The following ERC2 variants were observed in gnomAD, a reference collection of about 807,000 sequenced individuals.
ERC2 encodes ERC protein 2.
In ERC2, 42 loss-of-function variants were observed where a neutral mutation model predicts 114.8. The ratio of observed to expected loss-of-function variants is 0.37; its 90% CI spans 0.29 to 0.47. ERC2 has a LOEUF of 0.47. ERC2 is among the 20% of genes least tolerant of loss of function. The pLI is 0.99. For synonymous variants in ERC2, 454 were observed against 425.5 expected (o/e 1.07, Z -0.82); for missense variants, 939 against 1,150.7 (o/e 0.82, Z 2.66).
chr3:56,056,543 T>C (rs2076021681), intron 7 of ERC2, among the ~76,000 whole-genome samples: 1 of 152,162 alleles, frequency 6.6e-6, no homozygotes, highest in Non-Finnish European at 1.5e-5. Context: ...AATATGTATG[T>C]ATTATGTATC....
intron 2 of ERC2, among the ~76,000 whole-genome samples, chr3:56,370,013 G>A (rs139660087): frequency 1.1e-4 from 16 of 152,210 alleles, no homozygotes; most frequent in East Asian, 5.8e-4. Flanking sequence ...GCCTAATCCC[G>A]CTTGCCTCAG....
chr3:56,226,968 C>T (rs2050286944), intron 3 of ERC2, among the ~76,000 whole-genome samples: 1 of 152,190 alleles, frequency 6.6e-6, no homozygotes, highest in Admixed American at 6.5e-5. Context: ...AAACACACTT[C>T]TCTTTAAACT....
At chr3:56,117,292 G>C (rs2079292318) in intron 6 of ERC2, among the ~76,000 whole-genome samples, 1 of 152,134 alleles carries the variant, frequency 6.6e-6, no homozygotes, top group South Asian at 2.1e-4. Flanking sequence ...ATTATGAATT[G>C]CAATTGTTCC....
intron 14 of ERC2, among the ~76,000 whole-genome samples, chr3:55,883,889 A>AAACAACAACAAC (rs57990581): frequency 2.3e-5 from 3 of 131,938 alleles, no homozygotes; most frequent in Admixed American, 7.3e-5. Context: ...CTCCGTCTCA[A>AAACAACAACAAC]AACAACAACA....
chr3:56,121,346 C>A (rs2149857891), intron 6 of ERC2, among the ~76,000 whole-genome samples: 1 of 152,166 alleles, frequency 6.6e-6, no homozygotes, highest in African/African-American at 2.4e-5. Flanking sequence ...AAAGTATTAG[C>A]AAAATGTATA....
intron 7 of ERC2, among the ~76,000 whole-genome samples, chr3:56,026,566 T>A (rs1024061603): frequency 2.6e-5 from 4 of 152,212 alleles, no homozygotes; most frequent in Admixed American, 2.6e-4. Flanking sequence ...ATGGCCATTA[T>A]CTATTAAGTG....
chr3:55,657,554 C>G (rs1162846041), intron 17 of ERC2: 1 of 152,166 alleles, frequency 6.6e-6, no homozygotes, highest in Admixed American at 6.5e-5. Flanking sequence ...TTCCTGGGCT[C>G]AGGTAATTCT....
At chr3:56,257,432 G>A (rs535480936) in intron 3 of ERC2, among the ~76,000 whole-genome samples, 8 of 152,164 alleles carry the variant, frequency 5.3e-5, no homozygotes, top group African/African-American at 1.2e-4. Context: ...TTTAACTTAC[G>A]TCAAACCAAA....
intron 14 of ERC2, among the ~76,000 whole-genome samples, chr3:55,755,596 T>C (rs2066999544): frequency 6.6e-6 from 1 of 152,200 alleles, no homozygotes; most frequent in Non-Finnish European, 1.5e-5. Flanking sequence ...TGTCACTACT[T>C]TTTATACTTC....
At chr3:56,027,263 G>A (rs1272728214) in intron 7 of ERC2, among the ~76,000 whole-genome samples, 1 of 152,180 alleles carries the variant, frequency 6.6e-6, no homozygotes, top group Non-Finnish European at 1.5e-5. Flanking sequence ...ACAAATAAAC[G>A]ACTATGAACA....
At chr3:55,526,793 G>A (rs1033893472) in intron 17 of ERC2, among the ~76,000 whole-genome samples, 3 of 152,206 alleles carry the variant, frequency 2.0e-5, no homozygotes, top group African/African-American at 4.8e-5. Context: ...GTGCACAATC[G>A]CTGTGCTTGT....
intron 4 of ERC2, among the ~76,000 whole-genome samples, chr3:56,153,972 T>C (rs546203606): frequency 2.0e-5 from 3 of 152,338 alleles, no homozygotes; most frequent in African/African-American, 7.2e-5. Flanking sequence ...TGTGATCTAA[T>C]GTTCAGGAAA....
intron 6 of ERC2, among the ~76,000 whole-genome samples, chr3:56,109,566 CACGA>C (rs1182276984): frequency 1.3e-5 from 2 of 152,032 alleles, no homozygotes; most frequent in African/African-American, 4.8e-5. Flanking sequence ...AAACTGGTTA[CACGA>C]ATTATAGTCC....
chr3:55,656,166 G>A (rs1056583899), intron 17 of ERC2, among the ~76,000 whole-genome samples: 11 of 151,820 alleles, frequency 7.2e-5, no homozygotes, highest in African/African-American at 2.7e-4. Flanking sequence ...AGAAGAAAAA[G>A]TCTCACTCTG....
Position 55,846,669 on chromosome 3 carries a change from TTCTC to T in ERC2, c.2564+41716_2564+41719del, listed in dbSNP as rs776618827. On this transcript the variant is annotated intron_variant, in intron 14 of 17. Coordinates refer to ENST00000288221, the MANE Select transcript of ERC2 (RefSeq NM_015576.3). ...ATAAGTGTTATTTCATCCTTATTCA[TTCTC>T]TCTCTCTCTCTCTCTCTCTTTCTCT... is the stretch of plus-strand genomic sequence containing the variant. Among the ~76,000 whole-genome samples, 739 of 128,996 alleles carry T rather than the reference TTCTC, an allele frequency of 5.7e-3. 7 individuals are homozygous for T. The highest frequency in any genetic ancestry group is 0.021 in the African/African-American group (671 of 31,252). 84.6% of individuals were successfully genotyped at this position (128,996 alleles called of 152,430 possible).
At chr3:55,553,350 C>T (rs1447854383) in intron 17 of ERC2, among the ~76,000 whole-genome samples, 1 of 151,798 alleles carries the variant, frequency 6.6e-6, no homozygotes, top group African/African-American at 2.4e-5. Context: ...ATGATGATAA[C>T]AATAGCAAGT....
rs1438267684 is a variant in ERC2 at position 55,759,619 on chromosome 3, G to GT, written c.2565-24702dup. 4.0e-5 allele frequency among the ~76,000 whole-genome samples: 6 copies of GT among 151,036 alleles called. No homozygotes were observed. In the East Asian group the frequency reaches 1.2e-3, roughly 30 times the overall value. On this transcript the variant is annotated intron_variant, in intron 14 of 17. Coordinates refer to ENST00000288221, the MANE Select transcript of ERC2 (RefSeq NM_015576.3). ...AATTCACTGAAGTATGATGAAGATT[G>GT]TTTTTTTCTTCCCTTGCAACATAAT...
chr3:56,006,435 G>A (rs189341217), intron 10 of ERC2, among the ~76,000 whole-genome samples: 15 of 152,036 alleles, frequency 9.9e-5, no homozygotes, highest in African/African-American at 3.6e-4. Context: ...TTTTGAATAA[G>A]TTTATGAGTT....
intron 7 of ERC2, among the ~76,000 whole-genome samples, chr3:56,075,638 G>T (rs2149742433): frequency 6.6e-6 from 1 of 152,288 alleles, no homozygotes; most frequent in Non-Finnish European, 1.5e-5. Flanking sequence ...TAGACTGTCA[G>T]TTTCTTGAGG....
Sources: allele counts gnomAD v4.1 joint callset (sites outside exome capture counted in the v4.1 genomes callset), GRCh38; gene constraint gnomAD v4.1.1; transcripts MANE v1.5; gene names NCBI Gene and HGNC (gene_info 2026-07-23, HGNC 2026-07-21).